GBE1: variants seen among roughly 807,000 people sequenced by gnomAD.
GBE1 encodes the protein 1,4-alpha-glucan-branching enzyme.
In GBE1, 70 loss-of-function variants were observed where a neutral mutation model predicts 88.8. That is an observed-to-expected ratio of 0.79 (90% CI 0.65 to 0.96). The LOEUF is 0.96. Ranked by LOEUF, GBE1 falls within the 40% of genes least tolerant of loss-of-function variation. GBE1 has a pLI of 0.00. For synonymous variants in GBE1, 284 were observed against 300.1 expected, an observed-to-expected ratio of 0.95 and a Z score of 0.56; for missense variants, 872 against 871.0, an observed-to-expected ratio of 1.00 and a Z score of -0.01.
intron 3 of GBE1, among the ~76,000 whole-genome samples, chr3:81,660,142 C>T (rs946818720): frequency 1.3e-5 from 2 of 152,046 alleles, no homozygotes; most frequent in African/African-American, 4.8e-5. Context: ...TAAGAAGTAG[C>T]ACTAGATATG....
Position 81,581,150 on chromosome 3 carries a change from C to A in GBE1, c.1446+15G>T, listed in dbSNP as rs752305746. The A allele has an allele frequency of 4.8e-6, 7 of 1,453,872 alleles. No homozygotes were observed. Among genetic ancestry groups the A allele is most frequent in the Non-Finnish European group, 6.7e-6 (7 of 1,042,228 alleles). The allele number at this position is 1,453,872 out of a possible 1,614,324, so 90.1% of individuals were successfully genotyped here. On this transcript the variant is annotated intron_variant, in intron 11 of 15. Coordinates refer to ENST00000429644, the MANE Select transcript of GBE1 (RefSeq NM_000158.4). The stretch of plus-strand genomic sequence containing the variant: ...AGAGAGAGAAATAAATGAATTTATG[C>A]ACATATTCATTTACCTGATCATGGC...
chr3:81,521,986 G>T (rs1185429658), intron 14 of GBE1, among the ~76,000 whole-genome samples: 1 of 151,496 alleles, frequency 6.6e-6, no homozygotes, highest in East Asian at 1.9e-4. Flanking sequence ...AGGTAATGGG[G>T]CTCTGTATGT....
intron 12 of GBE1, among the ~76,000 whole-genome samples, chr3:81,557,557 T>G (rs1354576294): frequency 6.6e-6 from 1 of 151,534 alleles, no homozygotes; most frequent in Non-Finnish European, 1.5e-5. Flanking sequence ...GTATCAAGAT[T>G]TATAGGGAGG....
At chr3:81,689,500 GTAAA>G (rs1165155056) in intron 2 of GBE1, among the ~76,000 whole-genome samples, 7 of 152,188 alleles carry the variant, frequency 4.6e-5, no homozygotes, top group East Asian at 3.8e-4. Flanking sequence ...GTCAAACAAA[GTAAA>G]TAGTCATGTT....
intron 14 of GBE1, among the ~76,000 whole-genome samples, chr3:81,511,372 CAGAGTA>C (rs1417682166): frequency 2.6e-5 from 4 of 151,986 alleles, no homozygotes; most frequent in African/African-American, 9.7e-5. Flanking sequence ...AAACAATCAA[CAGAGTA>C]AACAGACAAC....
intron 14 of GBE1, among the ~76,000 whole-genome samples, chr3:81,533,795 C>A (rs1445658815): frequency 6.6e-6 from 1 of 151,910 alleles, no homozygotes; most frequent in African/African-American, 2.4e-5. Flanking sequence ...TGAAGAGATG[C>A]ACAAAAAAAT....
rs1424128798 is a variant in GBE1, at chr3:81,581,204, G to A, written c.1407C>T (p.Tyr469=). 6.2e-7 allele frequency: 1 copy of A among 1,606,196 alleles called. No homozygotes were observed. Among genetic ancestry groups the A allele is most frequent in the Non-Finnish European group, 8.5e-7 (1 of 1,176,674 alleles). ...DIVYTLTNRR[Y]LEKCIAYAES... is the part of the protein sequence containing the mutation. ...CTGCATAAGCAATGCACTTTTCAAG[G>A]TAGCGCCTGTTTGTGAGCGTGTATA... Residue 469 remains tyrosine, a synonymous_variant, in exon 11 of 16, where the codon TAC becomes TAT. Transcript: ENST00000429644.
At chr3:81,689,185 T>G (rs1393860715) in intron 2 of GBE1, among the ~76,000 whole-genome samples, 1 of 152,216 alleles carries the variant, frequency 6.6e-6, no homozygotes, top group African/African-American at 2.4e-5. Flanking sequence ...TAAGAAAACT[T>G]CAATTGCTAC....
chr3:81,720,302 T>G (rs1214792124), intron 1 of GBE1, among the ~76,000 whole-genome samples: 1 of 151,238 alleles, frequency 6.6e-6, no homozygotes, highest in Non-Finnish European at 1.5e-5. Context: ...GTATAACATA[T>G]GCATATACAC....
At chr3:81,730,115 T>C (rs548313020) in intron 1 of GBE1, among the ~76,000 whole-genome samples, 25 of 152,216 alleles carry the variant, frequency 1.6e-4, no homozygotes, top group Middle Eastern at 6.8e-3. Flanking sequence ...CAACAGGGCC[T>C]GTGACCAGAG....
chr3:81,493,812 GCC>G (rs1288121246), intron 15 of GBE1, among the ~76,000 whole-genome samples: 15 of 150,742 alleles, frequency 1.0e-4, no homozygotes, highest in Non-Finnish European at 3.0e-5. Flanking sequence ...ACAGGTGTGA[GCC>G]ACCACACCCA....
chr3:81,702,028 T>A (rs1259307948), intron 2 of GBE1, among the ~76,000 whole-genome samples: 4 of 150,470 alleles, frequency 2.7e-5, no homozygotes, highest in African/African-American at 9.8e-5. Flanking sequence ...TCAACTATTA[T>A]TAGGAAAAAA....
At chr3:81,578,237 T>A (rs2106934321) in intron 11 of GBE1, 141 bp from the exon 12 acceptor site, 1 of 624,068 alleles carries the variant, frequency 1.6e-6, no homozygotes, top group African/African-American at 1.9e-5. Context: ...TCAGGTATTT[T>A]CCACTGGTGA....
At chr3:81,655,856 A>C (rs1459570993) in intron 3 of GBE1, among the ~76,000 whole-genome samples, 1 of 152,170 alleles carries the variant, frequency 6.6e-6, no homozygotes, top group Admixed American at 6.5e-5. Context: ...TATCTAGTGT[A>C]AACATTATTT....
chr3:81,541,281 CAT>C (rs1217211411), intron 12 of GBE1, among the ~76,000 whole-genome samples: 1 of 151,768 alleles, frequency 6.6e-6, no homozygotes, highest in Non-Finnish European at 1.5e-5. Context: ...CAGGAAAACA[CAT>C]ACACACACAC....
chr3:81,743,942 T>C (rs552942477), intron 1 of GBE1, among the ~76,000 whole-genome samples: 1 of 152,252 alleles, frequency 6.6e-6, no homozygotes, highest in Admixed American at 6.5e-5. Flanking sequence ...TACTTATTTA[T>C]CTTCAAATAT....
intron 3 of GBE1, among the ~76,000 whole-genome samples, chr3:81,667,185 G>A (rs1178112983): frequency 6.6e-6 from 1 of 152,052 alleles, no homozygotes; most frequent in African/African-American, 2.4e-5. Flanking sequence ...GTATTTCTAG[G>A]TATTTTATTC....
intron 1 of GBE1, among the ~76,000 whole-genome samples, chr3:81,738,325 C>T (rs1264500080): frequency 6.6e-6 from 1 of 150,744 alleles, no homozygotes; most frequent in Non-Finnish European, 1.5e-5. Flanking sequence ...GAGGAATCGC[C>T]ACACTGACTT....
chr3:81,662,524 GCTGT>G (rs1705045804), intron 3 of GBE1, among the ~76,000 whole-genome samples: 1 of 151,894 alleles, frequency 6.6e-6, no homozygotes, highest in Non-Finnish European at 1.5e-5. Flanking sequence ...ACTTGGGAAT[GCTGT>G]CATAAAAGAG....
Sources: gnomAD v4.1 joint callset for allele counts (sites outside exome capture counted in the v4.1 genomes callset) on GRCh38, gnomAD v4.1.1 for gene constraint, MANE v1.5 for transcripts, NCBI Gene and HGNC (gene_info 2026-07-23, HGNC 2026-07-21) for gene names.